The following CSMD1 variants were observed in gnomAD, a reference collection of about 807,000 sequenced individuals.
CSMD1 encodes the protein CUB and Sushi multiple domains 1.
A neutral mutation model predicts 417.5 loss-of-function variants in CSMD1; 213 were observed. The observed-to-expected ratio is 0.51, with a 90% CI of 0.46 to 0.57. CSMD1 has a LOEUF of 0.57. Ranked by LOEUF, CSMD1 falls within the 20% of genes least tolerant of loss-of-function variation. The pLI is 0.00. For synonymous variants in CSMD1, 2,862 were observed against 1,736.8 expected, an observed-to-expected ratio of 1.65 and a Z score of -16.11; for missense variants, 6,923 against 4,529.7, an observed-to-expected ratio of 1.53 and a Z score of -15.17.
chr8:3,453,745 T>G (rs563177329), intron 12 of CSMD1, among the ~76,000 whole-genome samples: 5 of 152,158 alleles, frequency 3.3e-5, no homozygotes, highest in Non-Finnish European at 7.3e-5. Flanking sequence ...TGTGGTCAAT[T>G]TTGGAATAGG....
chr8:3,055,341 T>C (rs13264881), intron 49 of CSMD1, among the ~76,000 whole-genome samples: 73,773 of 152,084 alleles, frequency 0.49, 18,442 homozygotes, highest in Non-Finnish European at 0.55. Context: ...TTTATGGTTT[T>C]GAACCACAGT....
chr8:3,300,230 TAAATA>T (rs1013467303), intron 25 of CSMD1, among the ~76,000 whole-genome samples: 3 of 141,126 alleles, frequency 2.1e-5, no homozygotes, highest in African/African-American at 7.4e-5. Flanking sequence ...AAAAAATAAT[TAAATA>T]AAAAGATAAA....
intron 8 of CSMD1, among the ~76,000 whole-genome samples, chr8:3,611,113 G>C (rs556719262): frequency 4.2e-4 from 63 of 149,706 alleles, no homozygotes; most frequent in Admixed American, 1.7e-3. Flanking sequence ...GGATAGCATC[G>C]GGAGATATAC....
intron 25 of CSMD1, among the ~76,000 whole-genome samples, chr8:3,307,290 G>C (rs1804947485): frequency 6.6e-6 from 1 of 151,824 alleles, no homozygotes; most frequent in South Asian, 2.1e-4. Context: ...CTGGTGTGCA[G>C]GGGCTCCTGC....
chr8:4,755,710 A>G (rs1811624812), intron 1 of CSMD1, among the ~76,000 whole-genome samples: 1 of 152,186 alleles, frequency 6.6e-6, no homozygotes, highest in Non-Finnish European at 1.5e-5. Flanking sequence ...ACAATTTTGA[A>G]TCTTGCTTCC....
chr8:3,451,017 T>A (rs1815675698), intron 12 of CSMD1, among the ~76,000 whole-genome samples: 1 of 152,360 alleles, frequency 6.6e-6, no homozygotes, highest in East Asian at 1.9e-4. Flanking sequence ...CTAACTGGTG[T>A]GAGATGGTGT....
At chr8:3,251,990 T>C (rs145815799) in intron 26 of CSMD1, among the ~76,000 whole-genome samples, 11,168 of 152,280 alleles carry the variant, frequency 0.073, 560 homozygotes, top group Admixed American at 0.13. Flanking sequence ...TTTCTAGATA[T>C]AGAATCATGT....
chr8:3,250,623 G>A (rs990040959), intron 26 of CSMD1, among the ~76,000 whole-genome samples: 21 of 152,194 alleles, frequency 1.4e-4, no homozygotes, highest in African/African-American at 4.8e-4. Context: ...AGGTCCCTGA[G>A]GAATCGCCAC....
chr8:4,399,440 C>G (rs117160644), intron 3 of CSMD1, among the ~76,000 whole-genome samples: 4,352 of 152,224 alleles, frequency 0.029, 87 homozygotes, highest in Middle Eastern at 0.058. Context: ...ATTGATGAGC[C>G]TTTCAAAGAA....
intron 41 of CSMD1, among the ~76,000 whole-genome samples, chr8:3,119,397 A>AAC (rs1817059318): frequency 7.1e-6 from 1 of 141,682 alleles, no homozygotes; most frequent in South Asian, 2.8e-4. Context: ...AAAAAAAAAA[A>AAC]AAAAAAAAAA....
At chr8:4,800,288 G>A (rs547378291) in intron 1 of CSMD1, among the ~76,000 whole-genome samples, 82 of 151,984 alleles carry the variant, frequency 5.4e-4, no homozygotes, top group African/African-American at 1.8e-3. Context: ...AAAATTAGCT[G>A]GGCATGGTGG....
intron 47 of CSMD1, among the ~76,000 whole-genome samples, chr8:3,093,848 T>C (rs866318403): frequency 2.0e-5 from 3 of 152,238 alleles, no homozygotes; most frequent in Non-Finnish European, 4.4e-5. Context: ...ATGATATTAA[T>C]AGATCTCACT....
intron 3 of CSMD1, among the ~76,000 whole-genome samples, chr8:4,358,136 T>A (rs924788668): frequency 3.9e-5 from 6 of 152,232 alleles, no homozygotes; most frequent in Non-Finnish European, 8.8e-5. Flanking sequence ...CAAAATTTAT[T>A]CTCAAAATTT....
intron 1 of CSMD1, among the ~76,000 whole-genome samples, chr8:4,729,950 A>G (rs536625087): frequency 1.1e-4 from 16 of 152,302 alleles, no homozygotes; most frequent in South Asian, 6.2e-4. Flanking sequence ...TTGTGCGCAC[A>G]CACTGCAGCC....
rs553081019 is a variant in CSMD1 at position 3,621,854 on chromosome 8, C to T, written c.1010-5057G>A. Among the ~76,000 whole-genome samples, 171 of 151,990 alleles carry T rather than the reference C, an allele frequency of 1.1e-3. 1 individual carries two copies. Among genetic ancestry groups the T allele is most frequent in the Middle Eastern group, 3.4e-3 (1 of 292 alleles). On this transcript the variant is annotated intron_variant, in intron 7 of 69. Coordinates refer to ENST00000635120, the MANE Select transcript of CSMD1 (RefSeq NM_033225.6). ...AAACTCCTGGGCTCAAACAATTCTC[C>T]CACCTCGACGTCCCAAAGTGCTGGA...
At chr8:4,792,995 T>G (rs1023534856) in intron 1 of CSMD1, among the ~76,000 whole-genome samples, 3 of 151,636 alleles carry the variant, frequency 2.0e-5, no homozygotes, top group Non-Finnish European at 4.4e-5. Context: ...TATATATATA[T>G]ATATATATAT....
chr8:3,849,720 G>A (rs1023354045), intron 5 of CSMD1, among the ~76,000 whole-genome samples: 6 of 152,182 alleles, frequency 3.9e-5, no homozygotes, highest in African/African-American at 1.2e-4. Flanking sequence ...GAAACACAGG[G>A]TGTAAACTCA....
intron 1 of CSMD1, among the ~76,000 whole-genome samples, 162 bp from the exon 2 acceptor site, chr8:4,637,720 G>T (rs889090149): frequency 7.6e-6 from 1 of 132,204 alleles, no homozygotes; most frequent in African/African-American, 2.8e-5. Context: ...CCGGACTGCG[G>T]ACTGCAGTGG....
At chr8:3,723,286 C>G (rs554453185) in intron 6 of CSMD1, among the ~76,000 whole-genome samples, 1 of 152,146 alleles carries the variant, frequency 6.6e-6, no homozygotes, top group Non-Finnish European at 1.5e-5. Context: ...TCCTCACACT[C>G]AAAACCTCTT....
Sources: allele counts gnomAD v4.1 joint callset (sites outside exome capture counted in the v4.1 genomes callset), GRCh38; gene constraint gnomAD v4.1.1; transcripts MANE v1.5; gene names NCBI Gene and HGNC (gene_info 2026-07-23, HGNC 2026-07-21).